The following ELK3 variants were observed in gnomAD, a reference collection of about 807,000 sequenced individuals.
ELK3 encodes ETS domain-containing protein Elk-3.
Under a neutral mutation model 28.9 loss-of-function variants are expected in ELK3, and 10 were observed. The observed-to-expected ratio is 0.35, with a 90% CI of 0.21 to 0.59. ELK3 has a LOEUF of 0.59. Among genes scored for constraint, ELK3 ranks in the 20% least tolerant of loss-of-function variants. ELK3 has a pLI of 0.82. For synonymous variants in ELK3, 272 were observed against 243.5 expected (o/e 1.12, Z -1.09); for missense variants, 463 against 517.3 (o/e 0.90, Z 1.02).
At chr12:96,252,870 G>C (rs1381861377) in intron 3 of ELK3, among the ~76,000 whole-genome samples, 1 of 152,228 alleles carries the variant, frequency 6.6e-6, no homozygotes, top group Non-Finnish European at 1.5e-5. Context: ...CAGCGGCAGG[G>C]TTTGAGAGGA....
At chr12:96,252,860 C>T (rs911273896) in intron 3 of ELK3, among the ~76,000 whole-genome samples, 2 of 152,252 alleles carry the variant, frequency 1.3e-5, no homozygotes, top group Non-Finnish European at 2.9e-5. Context: ...GTTGATAAAG[C>T]AGCGGCAGGG....
intron 4 of ELK3, among the ~76,000 whole-genome samples, chr12:96,261,456 G>C (rs1951991963): frequency 6.6e-6 from 1 of 152,140 alleles, no homozygotes; most frequent in Non-Finnish European, 1.5e-5. Context: ...TTGGTGGAGA[G>C]ATAAAAACAC....
In ELK3 at chr12:96,217,937, C is replaced by CAAAAA. The variant is rs34565681; in HGVS notation, c.-2-5612_-2-5608dup. Among the ~76,000 whole-genome samples, 234 of 85,434 alleles carry CAAAAA rather than the reference C, an allele frequency of 2.7e-3. 8 individuals carry two copies. The highest frequency in any genetic ancestry group is 7.4e-3 in the African/African-American group (175 of 23,604). 56.0% of individuals were successfully genotyped at this position (85,434 alleles called of 152,430 possible). A position where few individuals can be genotyped will look rare whatever the true frequency, so the allele number is the denominator to read the frequency against. On this transcript the variant is annotated intron_variant, in intron 1 of 4. Coordinates refer to ENST00000228741, the MANE Select transcript of ELK3 (RefSeq NM_005230.4). ...TGAGGGACAAAGAGAGACGCCGTCT[C>CAAAAA]AAAAAAAAAAAAAAAAAAAATCATT...
rs1444441289 is a variant in ELK3, at chr12:96,268,282, G to A, written c.*1102G>A. On this transcript the variant is annotated 3_prime_UTR_variant, in exon 5 of 5. Coordinates refer to ENST00000228741, the MANE Select transcript of ELK3 (RefSeq NM_005230.4). The stretch of plus-strand genomic sequence containing the variant: ...TGCTGTAATACAAATAGAGAGTGGA[G>A]GTACTAAAGGCCTTGCTTGTGGAAA... 1 of 152,118 alleles carries A rather than the reference G, an allele frequency of 6.6e-6. No homozygotes were observed. Among genetic ancestry groups the A allele is most frequent in the Non-Finnish European group, 1.5e-5 (1 of 68,026 alleles). 9.4% of individuals were successfully genotyped at this position (152,118 alleles called of 1,614,324 possible).
At chr12:96,259,150 C>T (rs919816749) in intron 3 of ELK3, among the ~76,000 whole-genome samples, 9 of 152,102 alleles carry the variant, frequency 5.9e-5, no homozygotes, top group Admixed American at 2.0e-4. Context: ...ACAAACCATT[C>T]GGACGAAAGT....
chr12:96,266,232 G>C (rs950343952), intron 4 of ELK3, among the ~76,000 whole-genome samples: 5 of 152,222 alleles, frequency 3.3e-5, no homozygotes, highest in African/African-American at 1.2e-4. Context: ...CATGTGTCAG[G>C]CTCTGTAATT....
chr12:96,214,811 A>ACATTTTATATTATTATATTATAT (rs1328248367), intron 1 of ELK3, among the ~76,000 whole-genome samples: 2 of 152,184 alleles, frequency 1.3e-5, no homozygotes, highest in Non-Finnish European at 2.9e-5. Context: ...ATCCCTAATA[A>ACATTTTATATTATTATATTATAT]TATAAAATGT....
At chr12:96,236,664 T>C (rs562377791) in intron 2 of ELK3, among the ~76,000 whole-genome samples, 86 of 152,310 alleles carry the variant, frequency 5.6e-4, no homozygotes, top group African/African-American at 2.0e-3. Context: ...CCGGTGCCTG[T>C]ACCATCGCAG....
chr12:96,267,351 A>G lies in ELK3; in HGVS notation c.*171A>G, dbSNP rs1952042914. The G allele has an allele frequency of 3.6e-6, 2 of 552,840 alleles. No individual in the cohort carries two copies. The highest frequency in any genetic ancestry group is 2.5e-5 in the South Asian group (1 of 40,362). The allele number at this position is 552,840 out of a possible 1,614,324, so 34.2% of individuals were successfully genotyped here. A position where few individuals can be genotyped will look rare whatever the true frequency, so the allele number is the denominator to read the frequency against. The stretch of plus-strand genomic sequence containing the variant: ...GTTAGCATTTTAAAAACTGTTTTTG[A>G]TATATTCAAGTATATATGAAAATCT... On this transcript the variant is annotated 3_prime_UTR_variant, in exon 5 of 5. Transcript: ENST00000228741.
At chr12:96,223,856 C>A in intron 2 of ELK3, 83 bp downstream of exon 2, 7 of 1,363,100 alleles carry the variant, frequency 5.1e-6, no homozygotes, top group Non-Finnish European at 7.2e-6. Flanking sequence ...AAAATAATAG[C>A]GTGCTATGAA....
rs1952050931 is a variant in ELK3, at chr12:96,267,937, A to G, written c.*757A>G. On this transcript the variant is annotated 3_prime_UTR_variant, in exon 5 of 5. Coordinates refer to ENST00000228741, the MANE Select transcript of ELK3 (RefSeq NM_005230.4). The stretch of plus-strand genomic sequence containing the variant: ...TCTTTTAGATGCCTCCCAGACAAAA[A>G]TCTGAGATGGAAAAGCTACATCAAG... The G allele has an allele frequency of 2.0e-5, 3 of 152,368 alleles. No individual in the cohort carries two copies. Among genetic ancestry groups the G allele is most frequent in the Admixed American group, 2.0e-4 (3 of 15,286 alleles). 9.4% of individuals were successfully genotyped at this position (152,368 alleles called of 1,614,324 possible).
intron 2 of ELK3, among the ~76,000 whole-genome samples, chr12:96,239,452 A>T (rs115320384): frequency 3.6e-4 from 55 of 152,266 alleles, no homozygotes; most frequent in African/African-American, 1.3e-3. Flanking sequence ...ACAGTTGGAT[A>T]TAACCTCACT....
intron 2 of ELK3, among the ~76,000 whole-genome samples, chr12:96,235,212 C>G (rs1309123837): frequency 6.0e-5 from 9 of 149,586 alleles, no homozygotes; most frequent in South Asian, 2.2e-4. Context: ...AGCCGCCCCC[C>G]ACCCCAGCAT....
At chr12:96,203,466 G>T (rs1951519371) in intron 1 of ELK3, among the ~76,000 whole-genome samples, 1 of 152,148 alleles carries the variant, frequency 6.6e-6, no homozygotes, top group African/African-American at 2.4e-5. Flanking sequence ...TCAGCACTTT[G>T]TACAATACCT....
chr12:96,247,293 C>T lies in ELK3; in HGVS notation c.561C>T (p.Thr187=), dbSNP rs1565789141. ...TCAGGACTGTGATCAGGTTTGTGAC[C>T]AATAAAACCGACAAGCACGTCACCA... ...EEVRTVIRFV[T]NKTDKHVTRP... The change falls in exon 3 of 5, where the codon ACC becomes ACT. Residue 187 remains threonine (T), a synonymous_variant. Coordinates refer to ENST00000228741, the MANE Select transcript of ELK3 (RefSeq NM_005230.4). The surrounding 1 kb of genome is among the most constrained non-coding windows in gnomAD (Gnocchi z 5.5). 2 of 1,614,226 alleles carry T rather than the reference C, an allele frequency of 1.2e-6. No individual in the cohort carries two copies. The highest frequency in any genetic ancestry group is 2.2e-5 in the East Asian group (1 of 44,890).
intron 3 of ELK3, among the ~76,000 whole-genome samples, chr12:96,251,456 G>T (rs1329696867): frequency 1.3e-5 from 2 of 152,178 alleles, no homozygotes; most frequent in African/African-American, 2.4e-5. Flanking sequence ...GAGAAAGGAA[G>T]AGCTGCGCAT....
intron 3 of ELK3, among the ~76,000 whole-genome samples, chr12:96,248,251 T>A (rs933402283): frequency 6.6e-6 from 1 of 152,204 alleles, no homozygotes. Context: ...CCCAAACAGC[T>A]GCTTCGCTGA....
chr12:96,195,106 G>T (rs945598371), intron 1 of ELK3, among the ~76,000 whole-genome samples: 3 of 152,182 alleles, frequency 2.0e-5, no homozygotes, highest in Non-Finnish European at 4.4e-5. Flanking sequence ...GGGTCCCTGG[G>T]AAGAACCGTG....
At chr12:96,231,214 GT>G (rs3216591) in intron 2 of ELK3, among the ~76,000 whole-genome samples, 6,317 of 151,944 alleles carry the variant, frequency 0.042, 364 homozygotes, top group East Asian at 0.2. Context: ...TTTTGGATAA[GT>G]TTTTTTTTCC....
Sources: gnomAD v4.1 joint callset for allele counts (sites outside exome capture counted in the v4.1 genomes callset) on GRCh38, gnomAD v4.1.1 for gene constraint, Gnocchi (gnomAD v3.1) non-coding constraint, MANE v1.5 for transcripts, NCBI Gene and HGNC (gene_info 2026-07-23, HGNC 2026-07-21) for gene names.